ZNF804B: variants seen among roughly 807,000 people sequenced by gnomAD.
ZNF804B encodes zinc finger protein 804B, also known as zinc finger 804B.
ZNF804B carries 80 observed loss-of-function variants against 101.4 expected under a neutral mutation model. The observed-to-expected ratio is 0.79, with a 90% CI of 0.66 to 0.95. ZNF804B has a LOEUF of 0.95. Ranked by LOEUF, ZNF804B falls within the 40% of genes least tolerant of loss-of-function variation. The pLI is 0.00. For synonymous variants in ZNF804B, 622 were observed against 558.8 expected (o/e 1.11, Z -1.59); for missense variants, 1,673 against 1,561.9 (o/e 1.07, Z -1.20).
chr7:88,903,607 G>A (rs548666926), intron 1 of ZNF804B, among the ~76,000 whole-genome samples: 7 of 152,010 alleles, frequency 4.6e-5, no homozygotes, highest in Admixed American at 6.6e-5. Context: ...CCATAGCCTC[G>A]CCAGCATCTG....
At chr7:88,843,598 A>G (rs1791320450) in intron 1 of ZNF804B, among the ~76,000 whole-genome samples, 1 of 152,002 alleles carries the variant, frequency 6.6e-6, no homozygotes, top group South Asian at 2.1e-4. Context: ...TTAGCTGGGC[A>G]TGGTGGCAGG....
chr7:88,941,225 G>A (rs1793050044), intron 1 of ZNF804B, among the ~76,000 whole-genome samples: 1 of 151,976 alleles, frequency 6.6e-6, no homozygotes, highest in Non-Finnish European at 1.5e-5. Flanking sequence ...AAAACTAAGT[G>A]TGCTCTTACC....
chr7:88,930,513 T>C (rs538124947), intron 1 of ZNF804B, among the ~76,000 whole-genome samples: 2 of 152,090 alleles, frequency 1.3e-5, no homozygotes, highest in South Asian at 4.1e-4. Flanking sequence ...TTCCAAAAAA[T>C]GTCCCAGACC....
intron 2 of ZNF804B, among the ~76,000 whole-genome samples, chr7:89,239,603 T>C (rs1208374247): frequency 6.6e-6 from 1 of 152,092 alleles, no homozygotes; most frequent in African/African-American, 2.4e-5. Flanking sequence ...CTTAAAAATA[T>C]TTGGATAAAT....
At chr7:89,192,394 A>C (rs1256730417) in intron 1 of ZNF804B, among the ~76,000 whole-genome samples, 1 of 152,080 alleles carries the variant, frequency 6.6e-6, no homozygotes, top group East Asian at 1.9e-4. Context: ...TGGTATGTCC[A>C]TACAATAGAA....
intron 1 of ZNF804B, among the ~76,000 whole-genome samples, chr7:88,876,312 C>G (rs939519050): frequency 6.6e-6 from 1 of 152,086 alleles, no homozygotes; most frequent in Non-Finnish European, 1.5e-5. Flanking sequence ...CTAACTTGCT[C>G]TTTTTGAATT....
intron 1 of ZNF804B, among the ~76,000 whole-genome samples, chr7:89,090,052 A>G (rs948045991): frequency 6.6e-6 from 1 of 152,134 alleles, no homozygotes; most frequent in African/African-American, 2.4e-5. Context: ...GTGAAACACA[A>G]TAGGAAAATA....
At chr7:89,031,427 A>T (rs2116231534) in intron 1 of ZNF804B, among the ~76,000 whole-genome samples, 1 of 152,144 alleles carries the variant, frequency 6.6e-6, no homozygotes, top group Non-Finnish European at 1.5e-5. Context: ...GAGCTATTTA[A>T]GAACAGGGAA....
chr7:89,336,279 C>T lies in ZNF804B; in HGVS notation c.3297C>T (p.Asp1099=). ...CCCAAGAAGACCAAATAAATCTAGA[C>T]TTACAGGATGTAAGCATGCATATAA... ...TETQEDQINL[D]LQDVSMHINH... Residue 1099 remains aspartate, a synonymous_variant, in exon 4 of 4, where the codon GAC becomes GAT. Transcript: ENST00000333190. 1 of 1,613,784 alleles carries T rather than the reference C, an allele frequency of 6.2e-7. No homozygotes were observed. The highest frequency in any genetic ancestry group is 8.5e-7 in the Non-Finnish European group (1 of 1,179,906).
At chr7:88,997,939 T>C (rs1486423225) in intron 1 of ZNF804B, among the ~76,000 whole-genome samples, 2 of 152,070 alleles carry the variant, frequency 1.3e-5, no homozygotes, top group African/African-American at 4.8e-5. Flanking sequence ...CATTCTCTTA[T>C]GTTGTGTCTT....
intron 1 of ZNF804B, among the ~76,000 whole-genome samples, chr7:88,826,090 T>C (rs1008251894): frequency 6.6e-6 from 1 of 152,162 alleles, no homozygotes; most frequent in Admixed American, 6.6e-5. Context: ...GCACTTGAAG[T>C]GATAAACGAA....
Position 89,335,385 on chromosome 7 carries a change from T to C in ZNF804B, c.2403T>C (p.Tyr801=), listed in dbSNP as rs1413858584. The C allele has an allele frequency of 5.0e-6, 8 of 1,613,586 alleles. No individual in the cohort carries two copies. Among genetic ancestry groups the C allele is most frequent in the Non-Finnish European group, 5.9e-6 (7 of 1,179,930 alleles). ...FKNEKYSKRR[Y]CHCRERQKLG... ...ATGAAAAATACTCAAAACGTAGATA[T>C]TGTCACTGCAGAGAAAGACAAAAAC... The change falls in exon 4 of 4, where the codon TAT becomes TAC. Residue 801 remains tyrosine (Y), a synonymous_variant. Transcript: ENST00000333190.
At chr7:88,886,824 AT>A (rs1482817220) in intron 1 of ZNF804B, among the ~76,000 whole-genome samples, 1 of 151,670 alleles carries the variant, frequency 6.6e-6, no homozygotes, top group East Asian at 1.9e-4. Context: ...TTATCAAAAC[AT>A]TTTTCATATC....
intron 1 of ZNF804B, among the ~76,000 whole-genome samples, chr7:89,087,225 A>G (rs962962502): frequency 2.0e-5 from 3 of 151,940 alleles, no homozygotes; most frequent in Admixed American, 2.0e-4. Context: ...AAGTATGAAA[A>G]TAAGTAAGAC....
chr7:89,265,186 C>G (rs1330490418), intron 2 of ZNF804B, among the ~76,000 whole-genome samples: 12 of 151,966 alleles, frequency 7.9e-5, no homozygotes, highest in Admixed American at 7.9e-4. Flanking sequence ...GATGAAATGG[C>G]AAGGGTGAAG....
intron 1 of ZNF804B, among the ~76,000 whole-genome samples, chr7:89,156,702 AATTAAAT>A (rs1405368153): frequency 6.6e-6 from 1 of 152,096 alleles, no homozygotes; most frequent in Non-Finnish European, 1.5e-5. Context: ...TGGTTTCTCT[AATTAAAT>A]GGTTGCTTTT....
chr7:88,789,571 T>C (rs149200308), intron 1 of ZNF804B, among the ~76,000 whole-genome samples: 168 of 152,254 alleles, frequency 1.1e-3, no homozygotes, highest in Admixed American at 2.2e-3. Context: ...TCTCTCTGTA[T>C]GCTCTTAAAA....
chr7:88,785,753 T>G (rs1051182556), intron 1 of ZNF804B, among the ~76,000 whole-genome samples: 7 of 152,116 alleles, frequency 4.6e-5, no homozygotes, highest in African/African-American at 1.4e-4. Flanking sequence ...AGAATATCCC[T>G]CTGCTAGAAT....
intron 1 of ZNF804B, among the ~76,000 whole-genome samples, chr7:89,094,340 A>G (rs1789939492): frequency 6.6e-6 from 1 of 152,146 alleles, no homozygotes; most frequent in African/African-American, 2.4e-5. Context: ...GTGTGTGTAT[A>G]TATACATTTA....
Sources: allele counts gnomAD v4.1 joint callset (sites outside exome capture counted in the v4.1 genomes callset), GRCh38; gene constraint gnomAD v4.1.1; transcripts MANE v1.5; gene names NCBI Gene and HGNC (gene_info 2026-07-23, HGNC 2026-07-21).